The following CTNNA3 variants were observed in gnomAD, a reference collection of about 807,000 sequenced individuals.
The protein encoded by CTNNA3 is catenin alpha 3.
In CTNNA3, 76 loss-of-function variants were observed where a neutral mutation model predicts 95.7. The ratio of observed to expected loss-of-function variants is 0.79; its 90% CI spans 0.66 to 0.96. The LOEUF (loss-of-function observed/expected upper bound fraction) is 0.96. CTNNA3 is among the 40% of genes least tolerant of loss of function. The pLI is 0.00. For synonymous variants in CTNNA3, 431 were observed against 374.4 expected, an observed-to-expected ratio of 1.15 and a Z score of -1.74; for missense variants, 1,191 against 1,089.8, an observed-to-expected ratio of 1.09 and a Z score of -1.31.
intron 12 of CTNNA3, among the ~76,000 whole-genome samples, chr10:66,348,417 T>C (rs763754887): frequency 3.9e-4 from 59 of 152,194 alleles, no homozygotes; most frequent in Middle Eastern, 3.4e-3. Flanking sequence ...TATTATTCCA[T>C]GTACTGCATA....
intron 5 of CTNNA3, among the ~76,000 whole-genome samples, chr10:67,298,709 T>C (rs1840143528): frequency 6.6e-6 from 1 of 152,256 alleles, no homozygotes; most frequent in Non-Finnish European, 1.5e-5. Flanking sequence ...TCTGATTTTT[T>C]CATATCAATG....
At chr10:67,359,689 C>G (rs1300096632) in intron 5 of CTNNA3, among the ~76,000 whole-genome samples, 1 of 152,042 alleles carries the variant, frequency 6.6e-6, no homozygotes, top group Non-Finnish European at 1.5e-5. Flanking sequence ...CCTTTTAAAG[C>G]CTCAAAGAAA....
chr10:66,833,398 CACTG>C (rs1441072001), intron 7 of CTNNA3, among the ~76,000 whole-genome samples: 2 of 152,192 alleles, frequency 1.3e-5, no homozygotes, highest in Admixed American at 6.5e-5. Context: ...AGCATAATTG[CACTG>C]ACTACGTGCA....
intron 14 of CTNNA3, among the ~76,000 whole-genome samples, chr10:66,099,626 G>T (rs991360157): frequency 1.3e-5 from 2 of 152,084 alleles, no homozygotes; most frequent in African/African-American, 2.4e-5. Flanking sequence ...AGAATCTGTT[G>T]TAATAAACTC....
At chr10:66,563,623 G>T (rs79831596) in intron 10 of CTNNA3, among the ~76,000 whole-genome samples, 1 of 151,888 alleles carries the variant, frequency 6.6e-6, no homozygotes, top group East Asian at 1.9e-4. Context: ...ACCCTCCTCC[G>T]ATTCTATTCC....
chr10:66,315,016 C>G (rs1305062122), intron 12 of CTNNA3, among the ~76,000 whole-genome samples: 2 of 152,032 alleles, frequency 1.3e-5, no homozygotes, highest in Admixed American at 6.5e-5. Context: ...CTTACCCTTT[C>G]ATCTCCAAGA....
At chr10:66,554,020 T>C (rs1390437349) in intron 10 of CTNNA3, among the ~76,000 whole-genome samples, 1 of 152,104 alleles carries the variant, frequency 6.6e-6, no homozygotes, top group East Asian at 1.9e-4. Flanking sequence ...TACTCCTCAT[T>C]TTTTTCCCAC....
At chr10:66,568,504 G>A (rs1355804323) in intron 10 of CTNNA3, among the ~76,000 whole-genome samples, 1 of 151,944 alleles carries the variant, frequency 6.6e-6, no homozygotes, top group African/African-American at 2.4e-5. Flanking sequence ...TTCTGGAAAT[G>A]ATTGAATAAT....
intron 7 of CTNNA3, among the ~76,000 whole-genome samples, chr10:66,869,085 T>C (rs570070396): frequency 1.3e-5 from 2 of 152,318 alleles, no homozygotes; most frequent in Admixed American, 6.5e-5. Context: ...AATCTAGAAT[T>C]CTAGTTTGAC....
chr10:67,494,501 A>G (rs1838963298), intron 5 of CTNNA3, among the ~76,000 whole-genome samples: 3 of 152,228 alleles, frequency 2.0e-5, no homozygotes, highest in Non-Finnish European at 2.9e-5. Context: ...GCTACCTACC[A>G]GTCAGTTTTT....
chr10:66,386,553 T>A (rs188196918), intron 11 of CTNNA3, among the ~76,000 whole-genome samples: 1,576 of 152,254 alleles, frequency 0.01, 24 homozygotes, highest in African/African-American at 0.036. Flanking sequence ...GCCACCCCCA[T>A]CAAGCTACCA....
At chr10:66,818,688 A>G (rs914616983) in intron 7 of CTNNA3, among the ~76,000 whole-genome samples, 2 of 151,678 alleles carry the variant, frequency 1.3e-5, no homozygotes, top group Non-Finnish European at 2.9e-5. Context: ...ATTGGTCACA[A>G]ATTTAATGCA....
chr10:67,316,994 C>T (rs1841081564), intron 5 of CTNNA3, among the ~76,000 whole-genome samples: 2 of 152,150 alleles, frequency 1.3e-5, no homozygotes, highest in African/African-American at 4.8e-5. Context: ...CTTTAGCACA[C>T]ATATACCACC....
chr10:67,428,565 G>A (rs1205405144), intron 5 of CTNNA3, among the ~76,000 whole-genome samples: 2 of 152,028 alleles, frequency 1.3e-5, no homozygotes, highest in Non-Finnish European at 2.9e-5. Context: ...TACTAAAGTA[G>A]TTTCATTCCA....
At chr10:66,978,535 A>ATAAAAATAAAATAAAAAT (rs1324868428) in intron 7 of CTNNA3, among the ~76,000 whole-genome samples, 10 of 99,754 alleles carry the variant, frequency 1.0e-4, no homozygotes, top group Non-Finnish European at 2.2e-4. Context: ...TCAAAAAAAA[A>ATAAAAATAAAATAAAAAT]AAAAAAAAAA....
At chr10:66,718,177 G>A (rs75982631) in intron 9 of CTNNA3, among the ~76,000 whole-genome samples, 5 of 150,528 alleles carry the variant, frequency 3.3e-5, no homozygotes, top group Non-Finnish European at 5.9e-5. Context: ...ATTATCTAAC[G>A]CAGAATCCTA....
At chr10:67,629,153 A>C (rs1839055478) in intron 2 of CTNNA3, among the ~76,000 whole-genome samples, 1 of 152,094 alleles carries the variant, frequency 6.6e-6, no homozygotes, top group Non-Finnish European at 1.5e-5. Context: ...TTTGTTCTCC[A>C]GAGTTAAAAA....
intron 5 of CTNNA3, among the ~76,000 whole-genome samples, chr10:67,222,842 C>T (rs1204426086): frequency 1.3e-5 from 2 of 152,140 alleles, no homozygotes; most frequent in African/African-American, 2.4e-5. Flanking sequence ...TAGTTTGTTT[C>T]TGAAAGGTGA....
chr10:67,634,983 C>T (rs974189919), intron 2 of CTNNA3, among the ~76,000 whole-genome samples: 1 of 152,086 alleles, frequency 6.6e-6, no homozygotes, highest in East Asian at 1.9e-4. Context: ...ACAGAACTCT[C>T]CACCCAAAAA....
Sources: gnomAD v4.1 joint callset for allele counts (sites outside exome capture counted in the v4.1 genomes callset) on GRCh38, gnomAD v4.1.1 for gene constraint, MANE v1.5 for transcripts, NCBI Gene and HGNC (gene_info 2026-07-23, HGNC 2026-07-21) for gene names.